Variants in ABCA5 observed in about 807,000 individuals in gnomAD.
The protein encoded by ABCA5 is ATP binding cassette subfamily A member 5.
Under a neutral mutation model 206.0 loss-of-function variants are expected in ABCA5, and 163 were observed. That is an observed-to-expected ratio of 0.79 (90% CI 0.70 to 0.90). The LOEUF (loss-of-function observed/expected upper bound fraction) is 0.90. Among genes scored for constraint, ABCA5 ranks in the 40% least tolerant of loss-of-function variants. The pLI is 0.00. For synonymous variants in ABCA5, 609 were observed against 613.8 expected (o/e 0.99, Z 0.11); for missense variants, 1,859 against 1,912.9 (o/e 0.97, Z 0.53).
At position 69,245,791 on chromosome 17, in the gene ABCA5, G is replaced by T. The variant is rs1427197857; in HGVS notation, c.*1746C>A. The T allele has an allele frequency of 6.6e-6, 1 of 151,914 alleles. No homozygotes were observed. The highest frequency in any genetic ancestry group is 2.4e-5 in the African/African-American group (1 of 41,426). 9.4% of individuals were successfully genotyped at this position (151,914 alleles called of 1,614,324 possible). A position where few individuals can be genotyped will look rare whatever the true frequency, so the allele number is the denominator to read the frequency against. ...AATTACACATTCACAAATGTAAAGTGAAAGTTACCAAATCTACGTGCAAAA... is the reference window on the plus strand; with the variant it reads ...AATTACACATTCACAAATGTAAAGTTAAAGTTACCAAATCTACGTGCAAAA... On this transcript the variant is annotated 3_prime_UTR_variant, in exon 39 of 39. Transcript: ENST00000392676.
chr17:69,273,447 C>CTACTTATTTATTTATTTATT (rs2075295431), intron 20 of ABCA5, among the ~76,000 whole-genome samples: 1 of 144,728 alleles, frequency 6.9e-6, no homozygotes, highest in African/African-American at 2.5e-5. Context: ...ATTTTTTTAA[C>CTACTTATTTATTTATTTATT]TATTTATTTA....
rs191946094 is a variant in ABCA5, at chr17:69,286,374, C to T, written c.2042-63G>A. On this transcript the variant is annotated intron_variant, in intron 15 of 38. Coordinates refer to ENST00000392676, the MANE Select transcript of ABCA5 (RefSeq NM_172232.4). ...CAACAGCATTAATAATTGGCATTTACATTTTATGGTTTCTCATATGAGAGT... is the reference window on the plus strand; with the variant it reads ...CAACAGCATTAATAATTGGCATTTATATTTTATGGTTTCTCATATGAGAGT... 1.6e-4 allele frequency: 234 copies of T among 1,420,002 alleles called. No homozygotes were observed. The African/African-American group carries it at 2.9e-3, about 17-fold the overall frequency. The allele number at this position is 1,420,002 out of a possible 1,614,324, so 88.0% of individuals were successfully genotyped here.
chr17:69,313,423 A>AAG (rs3029952), intron 2 of ABCA5, 127 bp from the exon 3 acceptor site: 460,940 of 468,292 alleles, frequency 0.98, 227,270 homozygotes, highest in East Asian at 1. Flanking sequence ...TATGAATAAA[A>AAG]TAAAAGCAAT....
At chr17:69,263,008 T>C (rs1022040566) in intron 24 of ABCA5, among the ~76,000 whole-genome samples, 17 of 152,234 alleles carry the variant, frequency 1.1e-4, no homozygotes, top group African/African-American at 1.4e-4. Context: ...CATTTTTTCA[T>C]ACATTTGTTG....
chr17:69,279,934 A>G (rs977145693), intron 18 of ABCA5, among the ~76,000 whole-genome samples: 1 of 152,218 alleles, frequency 6.6e-6, no homozygotes, highest in South Asian at 2.1e-4. Context: ...AAAACCCTAG[A>G]AGAAAACCTA....
At position 69,244,420 on chromosome 17, in the gene ABCA5, T is replaced by C. The variant is rs1598138693; in HGVS notation, c.*3117A>G. The C allele has an allele frequency of 6.6e-6, 1 of 151,954 alleles. No individual in the cohort carries two copies. Among genetic ancestry groups the C allele is most frequent in the East Asian group, 1.9e-4 (1 of 5,202 alleles). The allele number at this position is 151,954 out of a possible 1,614,324, so 9.4% of individuals were successfully genotyped here. A position where few individuals can be genotyped will look rare whatever the true frequency, so the allele number is the denominator to read the frequency against. The stretch of plus-strand genomic sequence containing the variant: ...AGTATACAAAATGACTTGTCTTAAA[T>C]TTTCAACTCTTAAAGCTTATTATTA... On this transcript the variant is annotated 3_prime_UTR_variant, in exon 39 of 39. Transcript: ENST00000392676.
In ABCA5 at chr17:69,286,245, T is replaced by A. The variant is rs1423825162; in HGVS notation, c.2108A>T (p.Lys703Ile). 1.2e-6 allele frequency: 2 copies of A among 1,601,036 alleles called. No homozygotes were observed. Among genetic ancestry groups the A allele is most frequent in the Non-Finnish European group, 1.7e-6 (2 of 1,176,874 alleles). Reference sequence around the variant, plus strand: ...CCTCAGGCGGTAGCCGATCCCCCATTTACTTTTGAGGAACATTGAAGAACC... The same window carrying A: ...CCTCAGGCGGTAGCCGATCCCCCATATACTTTTGAGGAACATTGAAGAACC... ...CVGSSMFLKS[K>I]WGIGYRLSMY... Residue 703 changes from lysine to isoleucine, a missense_variant, in exon 16 of 39, where the codon AAA becomes ATA. Physicochemically the swap from Lys to Ile is moderately radical, Grantham distance 102. Coordinates refer to ENST00000392676, the MANE Select transcript of ABCA5 (RefSeq NM_172232.4).
At position 69,244,786 on chromosome 17, in the gene ABCA5, TAAC is replaced by T. The variant is rs1482947959; in HGVS notation, c.*2748_*2750del. The T allele has an allele frequency of 2.6e-5, 4 of 151,234 alleles. No homozygotes were observed. Among genetic ancestry groups the T allele is most frequent in the Admixed American group, 6.6e-5 (1 of 15,198 alleles). 9.4% of individuals were successfully genotyped at this position (151,234 alleles called of 1,614,324 possible). Reference sequence around the variant, plus strand: ...AACAGAACAACAATAAAAACAATAATAACAACACTTATCCTAAGTAAAATTAAT... The same window carrying T: ...AACAGAACAACAATAAAAACAATAATAACACTTATCCTAAGTAAAATTAAT... On this transcript the variant is annotated 3_prime_UTR_variant, in exon 39 of 39. Coordinates refer to ENST00000392676, the MANE Select transcript of ABCA5 (RefSeq NM_172232.4).
intron 8 of ABCA5, among the ~76,000 whole-genome samples, chr17:69,302,045 A>G (rs574640594): frequency 6.2e-4 from 95 of 152,332 alleles, no homozygotes; most frequent in African/African-American, 2.3e-3. Flanking sequence ...GATTAACTCA[A>G]TATTTAATTA....
At chr17:69,317,254 T>C (rs144464775) in intron 1 of ABCA5, 5,100 of 151,770 alleles carry the variant, frequency 0.034, 106 homozygotes, top group Middle Eastern at 0.058. Context: ...TATACAAAAA[T>C]TAGCTGGGCA....
Position 69,290,017 on chromosome 17 carries a change from G to A in ABCA5, c.1627C>T (p.His543Tyr). ...ATTTCATCTATTTCTGAGACTCTGT[G>A]TCCATATATAGATGCAAACCCTAAA... is the stretch of plus-strand genomic sequence containing the variant. ...PSDGFASIYG[H>Y]RVSEIDEMFE... The change falls in exon 13 of 39, where the codon CAC becomes TAC. Residue 543 changes from histidine to tyrosine, a missense_variant. Physicochemically the swap from His to Tyr is moderately conservative, Grantham distance 83. Transcript: ENST00000392676. The A allele has an allele frequency of 9.4e-6, 15 of 1,599,972 alleles. No individual in the cohort carries two copies. The highest frequency in any genetic ancestry group is 1.3e-5 in the Non-Finnish European group (15 of 1,174,868).
chr17:69,254,100 T>C (rs1347443668), intron 32 of ABCA5, among the ~76,000 whole-genome samples: 1 of 152,204 alleles, frequency 6.6e-6, no homozygotes, highest in Non-Finnish European at 1.5e-5. Flanking sequence ...GGTATATTTA[T>C]CCTGTAACTA....
chr17:69,313,606 A>C (rs1222696677), intron 2 of ABCA5, among the ~76,000 whole-genome samples: 1 of 152,140 alleles, frequency 6.6e-6, no homozygotes, highest in African/African-American at 2.4e-5. Context: ...AAACATAATA[A>C]ATTTACTCAT....
In ABCA5 at chr17:69,255,806, GTCA is replaced by G. The variant is rs1567751091; in HGVS notation, c.3900_3902del (p.Asp1301del). 2 of 1,592,992 alleles carry G rather than the reference GTCA, an allele frequency of 1.3e-6. No homozygotes were observed. Among genetic ancestry groups the G allele is most frequent in the South Asian group, 1.2e-5 (1 of 86,902 alleles). ...TTCTTGAAAGAAGAAAATCTTTCTT[GTCA>G]TCATATTCTTTATGCAAATTGCTGA... On this transcript the variant is annotated inframe_deletion, in exon 30 of 39. Coordinates refer to ENST00000392676, the MANE Select transcript of ABCA5 (RefSeq NM_172232.4).
chr17:69,280,722 A>G, intron 18 of ABCA5, among the ~76,000 whole-genome samples: 1 of 150,624 alleles, frequency 6.6e-6, no homozygotes, highest in Non-Finnish European at 1.5e-5. Flanking sequence ...TGATGAGTTC[A>G]TGTCCTTTGT....
intron 34 of ABCA5, among the ~76,000 whole-genome samples, chr17:69,252,070 G>A (rs1416067416): frequency 6.9e-6 from 1 of 144,570 alleles, no homozygotes; most frequent in East Asian, 2.0e-4. Flanking sequence ...GGAGAGAAGT[G>A]GCCCGATCTC....
At chr17:69,254,181 G>T (rs559092502) in intron 32 of ABCA5, 134 bp downstream of exon 32, 18 of 716,438 alleles carry the variant, frequency 2.5e-5, no homozygotes, top group Admixed American at 3.3e-5. Context: ...ATATCATAAA[G>T]AATATATGAA....
rs1162312645 is a variant in ABCA5 at position 69,314,380 on chromosome 17, T to C, written c.36A>G (p.Arg12=). ...STAIREVGVW[R]QTRTLLLKNY... The stretch of plus-strand genomic sequence containing the variant: ...TCTTCAGTAGAAGTGTTCTGGTCTG[T>C]CTCCAAACTCCTACCTCCCTAATTG... The change falls in exon 2 of 39, where the codon AGA becomes AGG. Residue 12 remains arginine (R), a synonymous_variant. Transcript: ENST00000392676. 1 of 1,613,766 alleles carries C rather than the reference T, an allele frequency of 6.2e-7. No homozygotes were observed. The highest frequency in any genetic ancestry group is 8.5e-7 in the Non-Finnish European group (1 of 1,179,738).
chr17:69,316,479 C>T (rs1292720713), intron 1 of ABCA5, among the ~76,000 whole-genome samples: 2 of 147,826 alleles, frequency 1.4e-5, no homozygotes, highest in African/African-American at 2.5e-5. Flanking sequence ...AAAGTGAGGC[C>T]CTGTCTCAAA....
Sources: allele counts gnomAD v4.1 joint callset (sites outside exome capture counted in the v4.1 genomes callset), GRCh38; gene constraint gnomAD v4.1.1; transcripts MANE v1.5; gene names NCBI Gene and HGNC (gene_info 2026-07-23, HGNC 2026-07-21).